Variants in PLCB1 observed in about 807,000 individuals in gnomAD.
PLCB1 encodes the protein phospholipase C beta 1.
Under a neutral mutation model 161.8 loss-of-function variants are expected in PLCB1, and 46 were observed. The observed-to-expected ratio is 0.28, with a 90% CI of 0.22 to 0.36. The LOEUF (loss-of-function observed/expected upper bound fraction) is 0.36, where lower values mean the gene tolerates loss of function less well. Among genes scored for constraint, PLCB1 ranks in the 10% least tolerant of loss-of-function variants. The pLI is 1.00. For synonymous variants in PLCB1, 517 were observed against 503.7 expected, an observed-to-expected ratio of 1.03 and a Z score of -0.35; for missense variants, 1,016 against 1,472.5, an observed-to-expected ratio of 0.69 and a Z score of 5.07.
intron 3 of PLCB1, among the ~76,000 whole-genome samples, chr20:8,413,688 C>T (rs561724918): frequency 2.6e-5 from 4 of 152,282 alleles, no homozygotes; most frequent in African/African-American, 9.6e-5. Context: ...ATCCAATAGA[C>T]AACTAAATTC....
chr20:8,832,944 C>A (rs1454768452), intron 31 of PLCB1, among the ~76,000 whole-genome samples: 1 of 152,168 alleles, frequency 6.6e-6, no homozygotes, highest in Non-Finnish European at 1.5e-5. Flanking sequence ...ACGGCACAAT[C>A]CAATTTCTTA....
intron 3 of PLCB1, among the ~76,000 whole-genome samples, chr20:8,437,531 C>G (rs1185216144): frequency 6.6e-6 from 1 of 152,160 alleles, no homozygotes. Context: ...AAATCCATTA[C>G]AGTACTGAGT....
chr20:8,432,924 G>A (rs939645284), intron 3 of PLCB1, among the ~76,000 whole-genome samples: 1 of 152,164 alleles, frequency 6.6e-6, no homozygotes, highest in South Asian at 2.1e-4. Flanking sequence ...TGGCGCCCGT[G>A]GGATTGTGTG....
intron 2 of PLCB1, among the ~76,000 whole-genome samples, chr20:8,178,667 G>A (rs546111513): frequency 1.2e-4 from 19 of 152,152 alleles, no homozygotes; most frequent in South Asian, 1.0e-3. Flanking sequence ...TTTTGTTTTC[G>A]TTGCAATTGC....
chr20:8,338,786 TC>T (rs1985685168), intron 2 of PLCB1, among the ~76,000 whole-genome samples: 1 of 152,146 alleles, frequency 6.6e-6, no homozygotes, highest in Non-Finnish European at 1.5e-5. Flanking sequence ...TGTGCCCTCT[TC>T]CAGTCAATAC....
intron 9 of PLCB1, among the ~76,000 whole-genome samples, chr20:8,672,849 C>T (rs1989982917): frequency 1.3e-5 from 2 of 152,050 alleles, no homozygotes; most frequent in African/African-American, 4.8e-5. Flanking sequence ...CGGTGGCTCA[C>T]ATCTGTAATC....
At chr20:8,668,265 G>T (rs1169937051) in intron 9 of PLCB1, among the ~76,000 whole-genome samples, 1 of 152,266 alleles carries the variant, frequency 6.6e-6, no homozygotes, top group South Asian at 2.1e-4. Context: ...AGTGGACAGT[G>T]ACCAAGGATT....
chr20:8,379,878 G>A (rs1012505758), intron 3 of PLCB1, among the ~76,000 whole-genome samples: 5 of 151,844 alleles, frequency 3.3e-5, no homozygotes, highest in South Asian at 2.1e-4. Flanking sequence ...TTGTCAGATC[G>A]GTTGATTGCA....
intron 3 of PLCB1, among the ~76,000 whole-genome samples, chr20:8,513,670 G>T (rs1289148537): frequency 6.6e-6 from 1 of 152,068 alleles, no homozygotes; most frequent in Non-Finnish European, 1.5e-5. Flanking sequence ...ATGAGGATAG[G>T]ACAAACATGC....
chr20:8,414,699 C>CT, intron 3 of PLCB1, among the ~76,000 whole-genome samples: 1 of 152,084 alleles, frequency 6.6e-6, no homozygotes, highest in South Asian at 2.1e-4. Flanking sequence ...TCTGTGTTGT[C>CT]TGTATAGTAG....
chr20:8,274,969 C>CT (rs1479640131), intron 2 of PLCB1, among the ~76,000 whole-genome samples: 1 of 151,952 alleles, frequency 6.6e-6, no homozygotes, highest in African/African-American at 2.4e-5. Flanking sequence ...TTGTTTTGCC[C>CT]TTTTTTAAAA....
chr20:8,445,240 G>A (rs1980766806), intron 3 of PLCB1, among the ~76,000 whole-genome samples: 1 of 152,190 alleles, frequency 6.6e-6, no homozygotes. Context: ...GTAAGGAAGG[G>A]ATCCAGTTTC....
At chr20:8,865,995 A>G (rs1987416285) in intron 31 of PLCB1, among the ~76,000 whole-genome samples, 1 of 152,236 alleles carries the variant, frequency 6.6e-6, no homozygotes, top group African/African-American at 2.4e-5. Flanking sequence ...TAAAATCAGT[A>G]AAGTGACGAC....
chr20:8,664,002 G>C (rs1470698672), intron 9 of PLCB1, among the ~76,000 whole-genome samples: 1 of 152,072 alleles, frequency 6.6e-6, no homozygotes, highest in Non-Finnish European at 1.5e-5. Context: ...ACAGAATGCA[G>C]ACTTCAACTG....
Position 8,169,733 on chromosome 20 carries a change from T to G in PLCB1, c.177+19362T>G, listed in dbSNP as rs527351194. Among the ~76,000 whole-genome samples the G allele has an allele frequency of 3.9e-5, 6 of 152,160 alleles. No homozygotes were observed. The South Asian group carries it at 1.2e-3, about 32-fold the overall frequency. ...AGACTCCCAGGAACTTGGAGTGCAG[T>G]TTTCGATGCCTGAATTCAGAGAGGA... is the stretch of plus-strand genomic sequence containing the variant. On this transcript the variant is annotated intron_variant, in intron 2 of 31. Coordinates refer to ENST00000338037, the MANE Select transcript of PLCB1 (RefSeq NM_015192.4).
intron 3 of PLCB1, among the ~76,000 whole-genome samples, chr20:8,526,266 A>T (rs928519959): frequency 9.9e-4 from 150 of 152,276 alleles, no homozygotes; most frequent in African/African-American, 3.5e-3. Context: ...TGTCACACAG[A>T]CCTGAAATTT....
rs188463956 is a variant in PLCB1 at position 8,577,199 on chromosome 20, G to A, written c.247-51095G>A. ...AATCCCAGCACTTTGGGAGGCTGAG[G>A]CGGGCGGATCACGAGGTTGGGAGAT... On this transcript the variant is annotated intron_variant, in intron 3 of 31. Transcript: ENST00000338037. Among the ~76,000 whole-genome samples the A allele has an allele frequency of 2.6e-4, 40 of 152,102 alleles. No individual in the cohort carries two copies. The East Asian group carries it at 7.3e-3, about 28-fold the overall frequency.
At chr20:8,268,670 G>A (rs1315939541) in intron 2 of PLCB1, among the ~76,000 whole-genome samples, 1 of 152,162 alleles carries the variant, frequency 6.6e-6, no homozygotes. Context: ...TAACTAGTGT[G>A]ACATGGTATC....
chr20:8,587,956 C>T (rs1987039854), intron 3 of PLCB1, among the ~76,000 whole-genome samples: 1 of 152,288 alleles, frequency 6.6e-6, no homozygotes, highest in East Asian at 1.9e-4. Context: ...TTCATTCAGT[C>T]TCTCCCAACC....
Sources: allele counts gnomAD v4.1 joint callset (sites outside exome capture counted in the v4.1 genomes callset), GRCh38; gene constraint gnomAD v4.1.1; transcripts MANE v1.5; gene names NCBI Gene and HGNC (gene_info 2026-07-23, HGNC 2026-07-21).